The following GPI variants were observed in gnomAD, a reference collection of about 807,000 sequenced individuals.
GPI encodes the protein glucose-6-phosphate isomerase.
Under a neutral mutation model 75.8 loss-of-function variants are expected in GPI, and 56 were observed. The ratio of observed to expected loss-of-function variants is 0.74; its 90% CI spans 0.60 to 0.92. GPI has a LOEUF of 0.92. Ranked by LOEUF, GPI falls within the 40% of genes least tolerant of loss-of-function variation. The pLI, the probability that GPI is intolerant of heterozygous loss-of-function variation, is 0.00. For missense variants in GPI, 638 were observed against 741.0 expected (o/e 0.86, Z 1.61); for synonymous variants, 288 against 285.4 (o/e 1.01, Z -0.09).
chr19:34,389,480 A>T (rs771452729), intron 9 of GPI, among the ~76,000 whole-genome samples: 1 of 152,016 alleles, frequency 6.6e-6, no homozygotes, highest in Non-Finnish European at 1.5e-5. Flanking sequence ...CTTCCAGGAG[A>T]GAATTAAGCC....
chr19:34,379,096 T>A, intron 7 of GPI, 91 bp downstream of exon 7: 1 of 1,136,190 alleles, frequency 8.8e-7, no homozygotes, highest in South Asian at 1.2e-5. Context: ...GCCGTGTTTC[T>A]CCTGAAGTTG....
chr19:34,373,767 CA>C (rs1036408016), intron 4 of GPI, among the ~76,000 whole-genome samples: 1 of 151,992 alleles, frequency 6.6e-6, no homozygotes, highest in African/African-American at 2.4e-5. Context: ...AGGATGTGGT[CA>C]TTTGAAGGCT....
intron 4 of GPI, among the ~76,000 whole-genome samples, chr19:34,374,434 G>A (rs554627785): frequency 6.4e-4 from 97 of 152,182 alleles, no homozygotes; most frequent in African/African-American, 2.3e-3. Flanking sequence ...CGCTTCTGGC[G>A]CCTAGTGATT....
intron 4 of GPI, among the ~76,000 whole-genome samples, chr19:34,374,391 A>G (rs2074501880): frequency 1.3e-5 from 2 of 152,156 alleles, no homozygotes; most frequent in Non-Finnish European, 2.9e-5. Context: ...ACCACTGGTC[A>G]CCATCTTAGA....
Position 34,399,097 on chromosome 19 carries a change from C to T in GPI, c.1270-110C>T, listed in dbSNP as rs1339403442. The T allele has an allele frequency of 1.7e-5, 17 of 1,002,470 alleles. No individual in the cohort carries two copies. In the East Asian group the frequency reaches 2.5e-4, roughly 15 times the overall value. The allele number at this position is 1,002,470 out of a possible 1,614,324, so 62.1% of individuals were successfully genotyped here. A position where few individuals can be genotyped will look rare whatever the true frequency, so the allele number is the denominator to read the frequency against. On this transcript the variant is annotated intron_variant, in intron 14 of 17. Transcript: ENST00000356487. ...CCCTCGCTCCAACTGAGCTGTACAGCGAGTGACCCAGGCTGGGACTGACCC... is the reference window on the plus strand; with the variant it reads ...CCCTCGCTCCAACTGAGCTGTACAGTGAGTGACCCAGGCTGGGACTGACCC...
chr19:34,366,534 CCT>C (rs2074368201), intron 2 of GPI, 99 bp downstream of exon 2: 2 of 859,684 alleles, frequency 2.3e-6, no homozygotes, highest in Non-Finnish European at 4.1e-6. Flanking sequence ...TTGAGTTCTT[CCT>C]CTCATTAGAC....
At chr19:34,384,845 C>T (rs1277273625) in intron 9 of GPI, among the ~76,000 whole-genome samples, 3 of 152,072 alleles carry the variant, frequency 2.0e-5, no homozygotes, top group Non-Finnish European at 4.4e-5. Flanking sequence ...GAGCTCGAGA[C>T]CAGCCTGGCC....
Position 34,377,493 on chromosome 19 carries a change from C to A in GPI, c.403-10C>A. Reference sequence around the variant, plus strand: ...GGTTTGGGCTGATGGCATCTTCGCCCCTGTGCCAGCGTGTCCGGAGCGGTG... The same window carrying A: ...GGTTTGGGCTGATGGCATCTTCGCCACTGTGCCAGCGTGTCCGGAGCGGTG... On this transcript the variant is annotated splice_polypyrimidine_tract_variant and intron_variant, in intron 4 of 17. Transcript: ENST00000356487. 6.2e-7 allele frequency: 1 copy of A among 1,605,762 alleles called. No individual in the cohort carries two copies. The highest frequency in any genetic ancestry group is 8.5e-7 in the Non-Finnish European group (1 of 1,173,106).
chr19:34,402,304 C>T lies in GPI; in HGVS notation c.*2268C>T, dbSNP rs1243517318. The T allele has an allele frequency of 6.6e-6, 1 of 152,162 alleles. No homozygotes were observed. Among genetic ancestry groups the T allele is most frequent in the Non-Finnish European group, 1.5e-5 (1 of 68,032 alleles). The allele number at this position is 152,162 out of a possible 1,614,324, so 9.4% of individuals were successfully genotyped here. On this transcript the variant is annotated 3_prime_UTR_variant, in exon 18 of 18. Coordinates refer to ENST00000356487, the MANE Select transcript of GPI (RefSeq NM_000175.5). ...CATAGGGTGTAACCAAATAGGAAACCTCTAAAGGGTACTTAAACCCCAGAT... is the reference window on the plus strand; with the variant it reads ...CATAGGGTGTAACCAAATAGGAAACTTCTAAAGGGTACTTAAACCCCAGAT...
intron 4 of GPI, among the ~76,000 whole-genome samples, chr19:34,376,751 TA>T (rs928580661): frequency 1.3e-5 from 2 of 151,342 alleles, no homozygotes; most frequent in African/African-American, 4.9e-5. Context: ...GGCACAGTTT[TA>T]AAAATAAGTA....
In GPI at chr19:34,399,944, C is replaced by G. The variant is rs749718424; in HGVS notation, c.1585C>G (p.Leu529Val). The G allele has an allele frequency of 3.1e-6, 5 of 1,613,914 alleles. No individual in the cohort carries two copies. The highest frequency in any genetic ancestry group is 3.3e-5 in the Admixed American group (2 of 60,002). ...KQLAKKIEPE[L>V]DGSAQVTSHD... The stretch of plus-strand genomic sequence containing the variant: ...GCTGGCTAAGAAAATAGAGCCTGAG[C>G]TTGATGGCAGTGCTCAAGTGACCTC... Residue 529 changes from leucine to valine, a missense_variant, in exon 18 of 18, where the codon CTT becomes GTT. By Grantham distance (32) the Leu-to-Val change is conservative (BLOSUM62 1). Transcript: ENST00000356487.
At chr19:34,379,434 G>A (rs1051974491) in intron 7 of GPI, 84 bp from the exon 8 acceptor site, 3 of 1,150,440 alleles carry the variant, frequency 2.6e-6, no homozygotes, top group African/African-American at 3.0e-5. Context: ...GTCCCATGCA[G>A]GGCCTTGGTT....
At chr19:34,386,589 AC>A (rs1484368406) in intron 9 of GPI, among the ~76,000 whole-genome samples, 2 of 152,218 alleles carry the variant, frequency 1.3e-5, no homozygotes, top group Non-Finnish European at 2.9e-5. Flanking sequence ...AGCCTGAAGA[AC>A]CAGAGTTGAG....
In GPI at chr19:34,400,392, G is replaced by A. The variant is rs935703945; in HGVS notation, c.*356G>A. The A allele has an allele frequency of 1.7e-4, 103 of 597,006 alleles. No individual in the cohort carries two copies. Among genetic ancestry groups the A allele is most frequent in the Middle Eastern group, 4.5e-4 (1 of 2,242 alleles). 37.0% of individuals were successfully genotyped at this position (597,006 alleles called of 1,614,324 possible). On this transcript the variant is annotated 3_prime_UTR_variant, in exon 18 of 18. Coordinates refer to ENST00000356487, the MANE Select transcript of GPI (RefSeq NM_000175.5). The stretch of plus-strand genomic sequence containing the variant: ...TGGTGCTTTATGTAGCAGAGGGCAG[G>A]AGCGCTCAGCAGGACGCAGGCTGTG...
intron 8 of GPI, 22 bp downstream of exon 8, chr19:34,379,584 T>TTCCTGG: frequency 6.2e-7 from 1 of 1,601,840 alleles, no homozygotes; most frequent in Non-Finnish European, 8.6e-7. Context: ...CGTGGTCCCC[T>TTCCTGG]GTACTGCCTT....
chr19:34,366,471 G>C, intron 2 of GPI, 36 bp downstream of exon 2: 2 of 1,441,926 alleles, frequency 1.4e-6, no homozygotes, highest in South Asian at 2.3e-5. Flanking sequence ...ACTGGTAACC[G>C]ACAGAGTGGT....
intron 9 of GPI, chr19:34,392,194 T>G (rs1568345715): frequency 2.0e-5 from 1 of 50,766 alleles, no homozygotes; most frequent in Non-Finnish European, 4.0e-5. Flanking sequence ...TCTGAGGAGG[T>G]TGGATCTGGC....
At chr19:34,387,380 A>G (rs556144635) in intron 9 of GPI, among the ~76,000 whole-genome samples, 1 of 152,268 alleles carries the variant, frequency 6.6e-6, no homozygotes, top group Admixed American at 6.5e-5. Flanking sequence ...ATCCAGGCTC[A>G]GTGCTGGTAT....
chr19:34,365,636 C>T (rs1044873912), intron 1 of GPI: 7 of 671,950 alleles, frequency 1.0e-5, no homozygotes, highest in Admixed American at 6.3e-5. Flanking sequence ...AAACGGGCCC[C>T]TCCGTGGGGA....
Sources: gnomAD v4.1 joint callset for allele counts (sites outside exome capture counted in the v4.1 genomes callset) on GRCh38, gnomAD v4.1.1 for gene constraint, MANE v1.5 for transcripts, NCBI Gene and HGNC (gene_info 2026-07-23, HGNC 2026-07-21) for gene names.